BMERB1: variants seen among roughly 807,000 people sequenced by gnomAD.
The protein encoded by BMERB1 is bMERB domain-containing protein 1.
In BMERB1, 12 loss-of-function variants were observed where a neutral mutation model predicts 23.6. That is an observed-to-expected ratio of 0.51 (90% confidence interval 0.33 to 0.82). BMERB1 has a LOEUF of 0.82. Among genes scored for constraint, BMERB1 ranks in the 40% least tolerant of loss-of-function variants. The pLI is 0.03. For missense variants in BMERB1, 247 were observed against 255.4 expected (o/e 0.97, Z 0.22); for synonymous variants, 122 against 96.6 (o/e 1.26, Z -1.54).
chr16:15,576,661 A>G (rs1258733651), intron 3 of BMERB1, among the ~76,000 whole-genome samples: 1 of 152,100 alleles, frequency 6.6e-6, no homozygotes, highest in Non-Finnish European at 1.5e-5. Flanking sequence ...TCTGGAGGCC[A>G]GACATCCAAA....
chr16:15,570,617 A>G (rs2030701430), intron 3 of BMERB1, among the ~76,000 whole-genome samples: 1 of 152,198 alleles, frequency 6.6e-6, no homozygotes, highest in African/African-American at 2.4e-5. Context: ...ACCAAGAGCA[A>G]GAAAGAATTT....
At chr16:15,528,323 C>T (rs1371587425) in intron 2 of BMERB1, among the ~76,000 whole-genome samples, 1 of 152,098 alleles carries the variant, frequency 6.6e-6, no homozygotes, top group Non-Finnish European at 1.5e-5. Flanking sequence ...AAGGACTGAA[C>T]TTGCTCTCTC....
intron 4 of BMERB1, among the ~76,000 whole-genome samples, chr16:15,581,904 C>G (rs2031023260): frequency 6.6e-6 from 1 of 152,174 alleles, no homozygotes. Context: ...ATTTTTGTTT[C>G]CTTACACCAG....
intron 2 of BMERB1, among the ~76,000 whole-genome samples, chr16:15,566,634 C>G (rs935974971): frequency 6.6e-6 from 1 of 151,664 alleles, no homozygotes; most frequent in Non-Finnish European, 1.5e-5. Context: ...CCACTGCACT[C>G]CAGCCTGGGT....
At chr16:15,483,852 G>C (rs2051345635) in intron 1 of BMERB1, among the ~76,000 whole-genome samples, 1 of 152,158 alleles carries the variant, frequency 6.6e-6, no homozygotes, top group South Asian at 2.1e-4. Context: ...TGTAGGTAGA[G>C]GTATCTTAGT....
At chr16:15,459,342 TAA>T (rs77131287) in intron 1 of BMERB1, among the ~76,000 whole-genome samples, 2 of 138,612 alleles carry the variant, frequency 1.4e-5, no homozygotes, top group Non-Finnish European at 1.6e-5. Flanking sequence ...CAGACTGGAT[TAA>T]AAAAAAAAAA....
chr16:15,472,763 A>T (rs1476720631), intron 1 of BMERB1, among the ~76,000 whole-genome samples: 2 of 151,996 alleles, frequency 1.3e-5, no homozygotes, highest in Non-Finnish European at 2.9e-5. Flanking sequence ...TTAGGATTTA[A>T]GTCTGCCATT....
At chr16:15,488,902 CAAAAAAAAAAAA>C (rs769821665) in intron 1 of BMERB1, among the ~76,000 whole-genome samples, 2 of 57,762 alleles carry the variant, frequency 3.5e-5, no homozygotes, top group Non-Finnish European at 6.9e-5. Flanking sequence ...ACTGCATATG[CAAAAAAAAAAAA>C]AAAAAAAAAG....
intron 1 of BMERB1, among the ~76,000 whole-genome samples, chr16:15,471,036 G>A (rs903483985): frequency 2.0e-5 from 3 of 150,560 alleles, no homozygotes; most frequent in Admixed American, 1.3e-4. Flanking sequence ...GGGGTTTCAC[G>A]ATGTTGCCCA....
chr16:15,440,663 C>T (rs1056626231), intron 1 of BMERB1, among the ~76,000 whole-genome samples: 1 of 151,758 alleles, frequency 6.6e-6, no homozygotes, highest in East Asian at 1.9e-4. Context: ...AAGTAAAAAA[C>T]GACCATCATT....
At chr16:15,460,120 T>C (rs2051122227) in intron 1 of BMERB1, among the ~76,000 whole-genome samples, 1 of 152,156 alleles carries the variant, frequency 6.6e-6, no homozygotes, top group Non-Finnish European at 1.5e-5. Flanking sequence ...TAATTATTAA[T>C]TTAAAATTCC....
intron 1 of BMERB1, among the ~76,000 whole-genome samples, chr16:15,439,215 G>A (rs1240072214): frequency 2.0e-5 from 3 of 152,198 alleles, no homozygotes; most frequent in Non-Finnish European, 4.4e-5. Context: ...GGCTGAATGA[G>A]TTCAAACCAG....
chr16:15,559,671 A>G (rs1567498743), intron 2 of BMERB1, among the ~76,000 whole-genome samples: 2 of 152,206 alleles, frequency 1.3e-5, no homozygotes, highest in African/African-American at 2.4e-5. Context: ...TATTCCAGAA[A>G]AAGACTTGAT....
intron 2 of BMERB1, among the ~76,000 whole-genome samples, chr16:15,539,228 A>G (rs948752088): frequency 2.7e-4 from 41 of 152,236 alleles, no homozygotes; most frequent in African/African-American, 9.6e-4. Context: ...GGAGCGTGCA[A>G]CCTAGATCCC....
At chr16:15,441,926 C>A (rs1398131189) in intron 1 of BMERB1, among the ~76,000 whole-genome samples, 1 of 152,152 alleles carries the variant, frequency 6.6e-6, no homozygotes, top group Admixed American at 6.6e-5. Context: ...GTCCGTGATT[C>A]CTTCCTAATC....
intron 1 of BMERB1, among the ~76,000 whole-genome samples, chr16:15,503,054 G>A (rs150663432): frequency 6.4e-4 from 97 of 152,202 alleles, no homozygotes; most frequent in African/African-American, 1.8e-3. Context: ...TGTGGGTTCC[G>A]CATCCTTAGA....
At chr16:15,563,642 C>A (rs979393963) in intron 2 of BMERB1, among the ~76,000 whole-genome samples, 4 of 152,104 alleles carry the variant, frequency 2.6e-5, no homozygotes, top group African/African-American at 9.7e-5. Flanking sequence ...AGGAAACTTA[C>A]AATCATGATG....
chr16:15,456,571 CAAGT>C (rs996466321), intron 1 of BMERB1, among the ~76,000 whole-genome samples: 3 of 152,120 alleles, frequency 2.0e-5, no homozygotes, highest in African/African-American at 4.8e-5. Flanking sequence ...CTACTGGCCT[CAAGT>C]GATCTGCCTG....
chr16:15,505,049 G>A (rs887192900), intron 1 of BMERB1, among the ~76,000 whole-genome samples: 1 of 152,270 alleles, frequency 6.6e-6, no homozygotes, highest in Middle Eastern at 3.4e-3. Context: ...CCATGGCTGA[G>A]AATTGTCCTT....
Sources: allele counts gnomAD v4.1 joint callset (sites outside exome capture counted in the v4.1 genomes callset), GRCh38; gene constraint gnomAD v4.1.1; transcripts MANE v1.5; gene names NCBI Gene and HGNC (gene_info 2026-07-23, HGNC 2026-07-21).